Variants in GMDS observed in about 807,000 individuals in gnomAD.
GMDS encodes GDP-mannose 4,6-dehydratase.
Under a neutral mutation model 49.9 loss-of-function variants are expected in GMDS, and 20 were observed. That is an observed-to-expected ratio of 0.40 (90% confidence interval 0.28 to 0.58). The LOEUF is 0.58. Ranked by LOEUF, GMDS falls within the 20% of genes least tolerant of loss-of-function variation. GMDS has a pLI of 0.42. For synonymous variants in GMDS, 177 were observed against 178.6 expected, an observed-to-expected ratio of 0.99 and a Z score of 0.07; for missense variants, 362 against 481.4, an observed-to-expected ratio of 0.75 and a Z score of 2.32.
intron 4 of GMDS, among the ~76,000 whole-genome samples, chr6:1,997,319 C>T (rs1766348501): frequency 2.0e-5 from 3 of 151,908 alleles, no homozygotes; most frequent in South Asian, 2.1e-4. Flanking sequence ...ACCATCCTGG[C>T]CAACATGGTG....
intron 1 of GMDS, among the ~76,000 whole-genome samples, chr6:2,161,458 A>G (rs570670938): frequency 8.5e-5 from 13 of 152,334 alleles, no homozygotes; most frequent in African/African-American, 3.1e-4. Flanking sequence ...ACCATCTGAC[A>G]TCTTATGAGT....
intron 9 of GMDS, among the ~76,000 whole-genome samples, chr6:1,659,332 C>T (rs1395389702): frequency 6.6e-6 from 1 of 151,844 alleles, no homozygotes; most frequent in Admixed American, 6.6e-5. Context: ...CATGATACAT[C>T]AGTGTCAGAA....
intron 1 of GMDS, among the ~76,000 whole-genome samples, chr6:2,146,393 G>T (rs1270507843): frequency 6.6e-6 from 1 of 152,192 alleles, no homozygotes; most frequent in Non-Finnish European, 1.5e-5. Flanking sequence ...GCAAGAGGAA[G>T]GAAGACAGTC....
intron 8 of GMDS, among the ~76,000 whole-genome samples, chr6:1,734,012 C>T (rs372978620): frequency 1.5e-4 from 23 of 152,238 alleles, no homozygotes; most frequent in African/African-American, 5.5e-4. Flanking sequence ...AGGGCGGGTG[C>T]CGTTTTTATG....
intron 1 of GMDS, among the ~76,000 whole-genome samples, chr6:2,207,253 T>G (rs547658707): frequency 6.6e-6 from 1 of 151,826 alleles, no homozygotes; most frequent in South Asian, 2.1e-4. Flanking sequence ...AGACATCACA[T>G]CCATGTACCA....
chr6:2,215,378 C>G (rs1780278574), intron 1 of GMDS, among the ~76,000 whole-genome samples: 1 of 152,110 alleles, frequency 6.6e-6, no homozygotes, highest in African/African-American at 2.4e-5. Flanking sequence ...GTCTCACAAT[C>G]ATGGCAGAAA....
At chr6:1,737,786 TAC>T (rs1255397961) in intron 8 of GMDS, among the ~76,000 whole-genome samples, 1 of 84,030 alleles carries the variant, frequency 1.2e-5, no homozygotes, top group Admixed American at 1.3e-4. Flanking sequence ...TACACATACA[TAC>T]ACACATACAT....
chr6:1,856,557 T>C (rs977816078), intron 7 of GMDS, among the ~76,000 whole-genome samples: 1 of 152,236 alleles, frequency 6.6e-6, no homozygotes, highest in Non-Finnish European at 1.5e-5. Context: ...CCTTTCACTT[T>C]ATGATGGGGA....
intron 7 of GMDS, among the ~76,000 whole-genome samples, chr6:1,776,600 A>G (rs1768844526): frequency 6.6e-6 from 1 of 152,054 alleles, no homozygotes; most frequent in Non-Finnish European, 1.5e-5. Flanking sequence ...GATCACTCTG[A>G]GCCCAGGAGT....
chr6:1,878,854 G>A (rs1289438898), intron 7 of GMDS, among the ~76,000 whole-genome samples: 1 of 152,142 alleles, frequency 6.6e-6, no homozygotes, highest in African/African-American at 2.4e-5. Flanking sequence ...AAAAGCAAAT[G>A]ACAGAAAGCA....
chr6:1,624,159 G>A lies in GMDS; in HGVS notation c.*10C>T, dbSNP rs370392895. 1.9e-6 allele frequency: 3 copies of A among 1,606,608 alleles called. No individual in the cohort carries two copies. The highest frequency in any genetic ancestry group is 1.7e-5 in the Admixed American group (1 of 60,012). ...GTAGCCGGAGGGCGGGCCGGGCTCC[G>A]AGGCGCTGCTCAGGCATTGGGGTTT... On this transcript the variant is annotated 3_prime_UTR_variant, in exon 11 of 11. Transcript: ENST00000380815.
intron 7 of GMDS, among the ~76,000 whole-genome samples, chr6:1,823,804 T>C (rs1242992661): frequency 6.6e-6 from 1 of 151,150 alleles, no homozygotes; most frequent in Non-Finnish European, 1.5e-5. Flanking sequence ...TTAGAATATA[T>C]GCATAAATAG....
chr6:2,026,182 G>A (rs1453015872), intron 4 of GMDS, among the ~76,000 whole-genome samples: 3 of 152,094 alleles, frequency 2.0e-5, no homozygotes, highest in African/African-American at 7.2e-5. Context: ...CTGGTCCTAG[G>A]CCAGAGACCC....
intron 9 of GMDS, 47 bp downstream of exon 9, chr6:1,726,369 C>T (rs1225440802): frequency 2.3e-6 from 3 of 1,303,880 alleles, no homozygotes; most frequent in Non-Finnish European, 3.3e-6. Flanking sequence ...TTTGCCCAGC[C>T]AGCCAGCCAA....
intron 7 of GMDS, among the ~76,000 whole-genome samples, chr6:1,824,406 C>A (rs60415390): frequency 3.9e-5 from 6 of 152,082 alleles, no homozygotes; most frequent in African/African-American, 1.5e-4. Flanking sequence ...TCAACTATAC[C>A]GCCGCGCCCC....
intron 9 of GMDS, among the ~76,000 whole-genome samples, chr6:1,687,210 A>G (rs1270111120): frequency 6.6e-6 from 1 of 152,164 alleles, no homozygotes; most frequent in Non-Finnish European, 1.5e-5. Flanking sequence ...CCATAACAGA[A>G]ACGAAAGAGC....
At chr6:2,010,686 T>C (rs887992211) in intron 4 of GMDS, among the ~76,000 whole-genome samples, 3 of 152,114 alleles carry the variant, frequency 2.0e-5, no homozygotes, top group Admixed American at 6.5e-5. Context: ...CTTCCATCTA[T>C]GTAAAGAAAT....
rs115751378 is a variant in GMDS at position 2,101,448 on chromosome 6, T to C, written c.345+14323A>G. ...AGTAACTGCTTTATGGATTAGTCTC[T>C]GGATCCTGTGCCAACAAAGTTGCAC... On this transcript the variant is annotated intron_variant, in intron 4 of 10. Coordinates refer to ENST00000380815, the MANE Select transcript of GMDS (RefSeq NM_001500.4). Among the ~76,000 whole-genome samples, 698 of 152,158 alleles carry C rather than the reference T, an allele frequency of 4.6e-3. 1 individual carries two copies. Among genetic ancestry groups the C allele is most frequent in the Middle Eastern group, 0.01 (3 of 294 alleles).
At chr6:1,917,201 T>C (rs942096001) in intron 7 of GMDS, among the ~76,000 whole-genome samples, 13 of 152,086 alleles carry the variant, frequency 8.5e-5, no homozygotes, top group Admixed American at 5.9e-4. Context: ...CAATCAACAC[T>C]TGAAGTCACT....
Sources: allele counts gnomAD v4.1 joint callset (sites outside exome capture counted in the v4.1 genomes callset), GRCh38; gene constraint gnomAD v4.1.1; transcripts MANE v1.5; gene names NCBI Gene and HGNC (gene_info 2026-07-23, HGNC 2026-07-21).